The following NCKAP5 variants were observed in gnomAD, a reference collection of about 807,000 sequenced individuals.
NCKAP5 encodes NCK associated protein 5.
Under a neutral mutation model 167.0 loss-of-function variants are expected in NCKAP5, and 92 were observed. The ratio of observed to expected loss-of-function variants is 0.55; its 90% CI spans 0.47 to 0.66. The LOEUF is 0.66. Among genes scored for constraint, NCKAP5 ranks in the 30% least tolerant of loss-of-function variants. NCKAP5 has a pLI of 0.00. For missense variants in NCKAP5, 2,378 were observed against 2,315.0 expected, an observed-to-expected ratio of 1.03 and a Z score of -0.56; for synonymous variants, 891 against 877.4, an observed-to-expected ratio of 1.02 and a Z score of -0.27.
chr2:133,597,712 A>G, the NCKAP5 span, among the ~76,000 whole-genome samples: 1 of 149,766 alleles, frequency 6.7e-6, no homozygotes. Context: ...GAGAAAAAAA[A>G]GGGGGAGATG....
chr2:133,531,268 T>C (rs1307209265), intron 2 of NCKAP5, among the ~76,000 whole-genome samples: 1 of 152,198 alleles, frequency 6.6e-6, no homozygotes, highest in Non-Finnish European at 1.5e-5. Context: ...AGTTATTGCA[T>C]TAATAAATTA....
At chr2:132,758,494 TATA>T (rs1209372252) in intron 16 of NCKAP5, among the ~76,000 whole-genome samples, 1 of 152,182 alleles carries the variant, frequency 6.6e-6, no homozygotes, top group Admixed American at 6.5e-5. Context: ...TCAACCTATC[TATA>T]ATGTCTAGTA....
intron 6 of NCKAP5, among the ~76,000 whole-genome samples, chr2:133,075,248 A>C (rs2080559436): frequency 6.6e-6 from 1 of 152,176 alleles, no homozygotes; most frequent in African/African-American, 2.4e-5. Flanking sequence ...GTCAACTCAG[A>C]ATTTTAAATC....
At chr2:133,280,617 C>T (rs1050777439) in intron 4 of NCKAP5, among the ~76,000 whole-genome samples, 5 of 152,110 alleles carry the variant, frequency 3.3e-5, no homozygotes, top group African/African-American at 1.2e-4. Context: ...TTTGTGATGA[C>T]TTAGATCCTT....
chr2:133,072,571 T>C (rs534715048), intron 6 of NCKAP5, among the ~76,000 whole-genome samples: 4 of 152,330 alleles, frequency 2.6e-5, no homozygotes, highest in African/African-American at 9.6e-5. Flanking sequence ...TCGTGAGTTC[T>C]TCAAGAGTCC....
At chr2:132,860,221 C>T (rs928150264) in intron 11 of NCKAP5, among the ~76,000 whole-genome samples, 2 of 152,206 alleles carry the variant, frequency 1.3e-5, no homozygotes, top group African/African-American at 4.8e-5. Flanking sequence ...AACTCCTTTC[C>T]ATGGTTCCAT....
rs571631531 is a variant in NCKAP5 at position 132,866,260 on chromosome 2, A to G, written c.687+2676T>C. Among the ~76,000 whole-genome samples, 3 of 152,316 alleles carry G rather than the reference A, an allele frequency of 2.0e-5. No homozygotes were observed. In the South Asian group the frequency reaches 6.2e-4, roughly 32 times the overall value. On this transcript the variant is annotated intron_variant, in intron 10 of 19. Transcript: ENST00000409261. ...CAAACAAACAAAAAACAAACCCAAA[A>G]CACTGAAGAACCTAGGTGAGTTACA...
chr2:133,214,384 GT>G (rs1434531428), intron 4 of NCKAP5, among the ~76,000 whole-genome samples: 1 of 152,094 alleles, frequency 6.6e-6, no homozygotes, highest in African/African-American at 2.4e-5. Context: ...GTATATAGTA[GT>G]TTTTTGGAAT....
At chr2:133,350,418 A>G (rs555836085) in intron 3 of NCKAP5, among the ~76,000 whole-genome samples, 11 of 152,152 alleles carry the variant, frequency 7.2e-5, no homozygotes, top group Non-Finnish European at 1.6e-4. Flanking sequence ...GTCTCTAAAA[A>G]AGAAATGAAA....
intron 15 of NCKAP5, among the ~76,000 whole-genome samples, chr2:132,777,096 C>G (rs1263391093): frequency 6.6e-6 from 1 of 152,198 alleles, no homozygotes; most frequent in Admixed American, 6.5e-5. Flanking sequence ...AGGTGACTCA[C>G]AAGCAACAAC....
the NCKAP5 span, among the ~76,000 whole-genome samples, chr2:133,633,372 G>C: frequency 6.6e-6 from 1 of 152,196 alleles, no homozygotes; most frequent in Non-Finnish European, 1.5e-5. Flanking sequence ...TGGCCAACTG[G>C]GGTGGGCATG....
At chr2:133,200,061 C>CTTTTTTTTTTTTTTT (rs70973417) in intron 5 of NCKAP5, among the ~76,000 whole-genome samples, 23 of 109,394 alleles carry the variant, frequency 2.1e-4, no homozygotes, top group African/African-American at 3.1e-4. Flanking sequence ...TTTTTTCTTT[C>CTTTTTTTTTTTTTTT]TTTTTTTTTT....
chr2:132,777,500 G>A (rs1011497417), intron 15 of NCKAP5, among the ~76,000 whole-genome samples: 1 of 151,810 alleles, frequency 6.6e-6, no homozygotes, highest in African/African-American at 2.4e-5. Flanking sequence ...TAACACTAAC[G>A]GCTTCCCAAG....
At position 133,173,265 on chromosome 2, in the gene NCKAP5, A is replaced by G. The variant is rs900739357; in HGVS notation, c.207+40451T>C. Among the ~76,000 whole-genome samples the G allele has an allele frequency of 6.6e-5, 10 of 152,202 alleles. 3 individuals are homozygous for G. Among genetic ancestry groups the G allele is most frequent in the Admixed American group, 6.5e-4 (10 of 15,284 alleles). On this transcript the variant is annotated intron_variant, in intron 5 of 19. Coordinates refer to ENST00000409261, the MANE Select transcript of NCKAP5 (RefSeq NM_207363.3). ...TTTCTGTTCTTTCATATAAAGAGGT[A>G]GATTTCAACTCTGGGGGGAGCTGGA... is the stretch of plus-strand genomic sequence containing the variant.
At chr2:133,075,051 T>C (rs2080552582) in intron 6 of NCKAP5, among the ~76,000 whole-genome samples, 1 of 152,104 alleles carries the variant, frequency 6.6e-6, no homozygotes. Flanking sequence ...GAACCATATG[T>C]AGATACATCA....
Position 132,811,270 on chromosome 2 carries a change from A to G in NCKAP5, c.808-14541T>C, listed in dbSNP as rs142953408. On this transcript the variant is annotated intron_variant, in intron 11 of 19. Transcript: ENST00000409261. ...CTCCTGCTAGGAGGTGGCGCTTTCC[A>G]GAAAGCATCAGCTGTATTAGTGTGG... Among the ~76,000 whole-genome samples, 215 of 152,254 alleles carry G rather than the reference A, an allele frequency of 1.4e-3. 1 individual carries two copies. The highest frequency in any genetic ancestry group is 4.9e-3 in the African/African-American group (204 of 41,542).
In NCKAP5 at chr2:132,731,784, C is replaced by CT; in HGVS notation, c.5395dup (p.Arg1799LysfsTer26). 6.2e-7 allele frequency: 1 copy of CT among 1,613,652 alleles called. No individual in the cohort carries two copies. Among genetic ancestry groups the CT allele is most frequent in the Non-Finnish European group, 8.5e-7 (1 of 1,179,700 alleles). On this transcript the variant is annotated frameshift_variant, in exon 17 of 20. Coordinates refer to ENST00000409261, the MANE Select transcript of NCKAP5 (RefSeq NM_207363.3). LOFTEE classifies it high-confidence loss of function. ...GCGGCTCTGAAGAGGCCTCATCCCT[C>CT]TGGCGGTCATGATGGGGTCGGATGT...
chr2:133,521,718 A>T (rs1404266560), intron 2 of NCKAP5, among the ~76,000 whole-genome samples: 1 of 152,132 alleles, frequency 6.6e-6, no homozygotes. Flanking sequence ...CACACTTATG[A>T]CCTAATTTAA....
intron 6 of NCKAP5, among the ~76,000 whole-genome samples, chr2:133,125,230 T>G (rs2082366475): frequency 6.6e-6 from 1 of 152,058 alleles, no homozygotes; most frequent in Non-Finnish European, 1.5e-5. Flanking sequence ...TTTTTTTTTT[T>G]TTTTGTAAAT....
Sources: allele counts gnomAD v4.1 joint callset (sites outside exome capture counted in the v4.1 genomes callset), GRCh38; gene constraint gnomAD v4.1.1; transcripts MANE v1.5; gene names NCBI Gene and HGNC (gene_info 2026-07-23, HGNC 2026-07-21).